KDM2A: variants seen among roughly 807,000 people sequenced by gnomAD.
KDM2A encodes the protein lysine demethylase 2A, also known as lysine-specific demethylase 2A.
In KDM2A, 3 loss-of-function variants were observed where a neutral mutation model predicts 137.3. That is an observed-to-expected ratio of 0.02 (90% CI 0.01 to 0.06). The LOEUF is 0.06. Ranked by LOEUF, KDM2A falls within the 10% of genes least tolerant of loss-of-function variation. KDM2A has a pLI of 1.00. For missense variants in KDM2A, 738 were observed against 1,510.6 expected (o/e 0.49, Z 8.48); for synonymous variants, 512 against 541.5 (o/e 0.95, Z 0.76).
chr11:67,208,181 T>C (rs1460454969), intron 6 of KDM2A, among the ~76,000 whole-genome samples: 1 of 151,900 alleles, frequency 6.6e-6, no homozygotes, highest in Non-Finnish European at 1.5e-5. Flanking sequence ...TTGATAAGAA[T>C]AACTGCATTT....
chr11:67,218,679 A>T (rs1005576357), intron 9 of KDM2A, among the ~76,000 whole-genome samples: 1 of 152,068 alleles, frequency 6.6e-6, no homozygotes, highest in African/African-American at 2.4e-5. Context: ...ATCTTGGCTC[A>T]CTGCAACCTC....
chr11:67,120,267 A>G (rs1286917594), intron 1 of KDM2A, among the ~76,000 whole-genome samples: 2 of 152,284 alleles, frequency 1.3e-5, no homozygotes, highest in African/African-American at 2.4e-5. Flanking sequence ...TTCCCTCCCG[A>G]CTTCGGGCCA....
chr11:67,238,262 G>A (rs1312517267), intron 12 of KDM2A, among the ~76,000 whole-genome samples: 1 of 152,162 alleles, frequency 6.6e-6, no homozygotes, highest in African/African-American at 2.4e-5. Context: ...AGTGCCCGAT[G>A]TGATTTTTTT....
At chr11:67,144,513 A>C (rs536256216) in intron 2 of KDM2A, among the ~76,000 whole-genome samples, 2 of 151,816 alleles carry the variant, frequency 1.3e-5, no homozygotes, top group East Asian at 3.9e-4. Flanking sequence ...CAGCCTTCCA[A>C]AGTGCTGGGA....
intron 2 of KDM2A, chr11:67,131,894 G>A (rs1165683957): frequency 2.6e-5 from 4 of 152,152 alleles, no homozygotes; most frequent in African/African-American, 9.7e-5. Context: ...TTGTGTGTAT[G>A]TCAAGGCTTT....
rs1859383703 is a variant in KDM2A at position 67,250,525 on chromosome 11, C to T, written c.2495C>T (p.Ser832Phe). ...GCCTCCTCTGCCAACCTTCGCCATT[C>T]CCCCCGTGTGCTAGTGCAGCACTGC... ...ITASSANLRH[S>F]PRVLVQHCPA... The change falls in exon 17 of 21, where the codon TCC becomes TTC. Residue 832 changes from serine (S) to phenylalanine (F), a missense_variant. This residue lies in a region of KDM2A where 244 missense variants were observed against 324.6 expected (regional missense o/e 0.75). Transcript: ENST00000529006. The surrounding 1 kb of genome is among the most constrained non-coding windows in gnomAD (Gnocchi z 7.1). 1.9e-6 allele frequency: 3 copies of T among 1,613,894 alleles called. No individual in the cohort carries two copies. The highest frequency in any genetic ancestry group is 2.5e-6 in the Non-Finnish European group (3 of 1,179,872).
chr11:67,126,277 T>A (rs1590701697), intron 2 of KDM2A, among the ~76,000 whole-genome samples: 1 of 148,258 alleles, frequency 6.7e-6, no homozygotes, highest in African/African-American at 2.5e-5. Context: ...ATAACTAGTT[T>A]AAAAAAATTG....
At chr11:67,156,482 G>GC (rs2136312124) in intron 2 of KDM2A, among the ~76,000 whole-genome samples, 1 of 151,820 alleles carries the variant, frequency 6.6e-6, no homozygotes, top group South Asian at 2.1e-4. Flanking sequence ...ACTTTGGGAG[G>GC]CGAGGTGGGC....
intron 5 of KDM2A, among the ~76,000 whole-genome samples, chr11:67,186,759 G>A (rs142272161): frequency 2.0e-5 from 3 of 152,244 alleles, no homozygotes; most frequent in East Asian, 3.9e-4. Flanking sequence ...TAATTTGAGA[G>A]ATCAATACAT....
At chr11:67,135,679 A>G (rs1403535418) in intron 2 of KDM2A, among the ~76,000 whole-genome samples, 1 of 152,130 alleles carries the variant, frequency 6.6e-6, no homozygotes, top group Non-Finnish European at 1.5e-5. Flanking sequence ...ATAGTTTGCA[A>G]AGTACTTCTT....
chr11:67,126,707 CA>C (rs765065960), intron 2 of KDM2A, among the ~76,000 whole-genome samples: 12,365 of 75,270 alleles, frequency 0.16, 1,209 homozygotes, highest in African/African-American at 0.38. Context: ...GACTCCATTT[CA>C]AAAAAAAAAA....
At chr11:67,204,168 T>C (rs965822578) in intron 5 of KDM2A, among the ~76,000 whole-genome samples, 2 of 152,178 alleles carry the variant, frequency 1.3e-5, no homozygotes, top group Admixed American at 6.6e-5. Flanking sequence ...ACAGGTAATA[T>C]AAAGTTTACC....
At chr11:67,230,691 A>G (rs556867492) in intron 11 of KDM2A, among the ~76,000 whole-genome samples, 9 of 151,982 alleles carry the variant, frequency 5.9e-5, no homozygotes, top group Non-Finnish European at 1.2e-4. Context: ...CTGTTAAAGC[A>G]TGGAAAGAAA....
intron 5 of KDM2A, among the ~76,000 whole-genome samples, chr11:67,188,559 G>A (rs1204926880): frequency 1.3e-5 from 2 of 151,452 alleles, no homozygotes; most frequent in African/African-American, 4.9e-5. Flanking sequence ...GGGAGGCCAA[G>A]GCGGGAAGAT....
At chr11:67,181,765 C>T in intron 4 of KDM2A, 81 bp from the exon 5 acceptor site, 1 of 1,128,206 alleles carries the variant, frequency 8.9e-7, no homozygotes, top group Non-Finnish European at 1.3e-6. Context: ...CTGGGGAGTA[C>T]TCAGTACTTT....
At chr11:67,146,917 T>C (rs1400134127) in intron 2 of KDM2A, among the ~76,000 whole-genome samples, 1 of 152,172 alleles carries the variant, frequency 6.6e-6, no homozygotes, top group Non-Finnish European at 1.5e-5. Context: ...TAAAAGTTTA[T>C]CAAAGGCACA....
chr11:67,224,461 C>T (rs868296617), intron 10 of KDM2A, among the ~76,000 whole-genome samples: 67 of 95,142 alleles, frequency 7.0e-4, no homozygotes, highest in Middle Eastern at 8.9e-3. Flanking sequence ...TAACCCCTTT[C>T]TTTTTTTTTT....
At chr11:67,212,101 C>T (rs142276518) in intron 6 of KDM2A, among the ~76,000 whole-genome samples, 3 of 152,124 alleles carry the variant, frequency 2.0e-5, no homozygotes, top group African/African-American at 7.2e-5. Flanking sequence ...TTTGAGGCAG[C>T]CTAGGCAATG....
chr11:67,246,122 G>T lies in KDM2A; in HGVS notation c.1965+6G>T. The T allele has an allele frequency of 6.2e-7, 1 of 1,613,616 alleles. No homozygotes were observed. The highest frequency in any genetic ancestry group is 1.1e-5 in the South Asian group (1 of 90,960). ...TTCATCCTGGCTGCCTCCAGGTGAG[G>T]AGAGCTATGAGGGGTTCCTGAAGTC... On this transcript the variant is annotated splice_donor_region_variant and intron_variant, in intron 15 of 20. Transcript: ENST00000529006.
Sources: gnomAD v4.1 joint callset for allele counts (sites outside exome capture counted in the v4.1 genomes callset) on GRCh38, gnomAD v4.1.1 for gene constraint, gnomAD v4.1.1 regional missense constraint, Gnocchi (gnomAD v3.1) non-coding constraint, MANE v1.5 for transcripts, NCBI Gene and HGNC (gene_info 2026-07-23, HGNC 2026-07-21) for gene names.